Variants in FAF1 observed in about 807,000 individuals in gnomAD.
FAF1 encodes FAS-associated factor 1.
In FAF1, 25 loss-of-function variants were observed where a neutral mutation model predicts 92.5. The ratio of observed to expected loss-of-function variants is 0.27; its 90% CI spans 0.20 to 0.38. FAF1 has a LOEUF of 0.38. FAF1 is among the 10% of genes least tolerant of loss of function. The probability of loss-of-function intolerance (pLI) is 1.00; values close to 1 mark genes in which losing one functional copy is unlikely to be tolerated. For synonymous variants in FAF1, 234 were observed against 273.2 expected (o/e 0.86, Z 1.42); for missense variants, 636 against 793.3 (o/e 0.80, Z 2.38).
intron 1 of FAF1, among the ~76,000 whole-genome samples, chr1:50,925,216 CAAAATGGATT>C (rs1247806932): frequency 1.3e-5 from 2 of 152,018 alleles, no homozygotes; most frequent in Non-Finnish European, 2.9e-5. Flanking sequence ...AAAATTAACT[CAAAATGGATT>C]AAAGACTTAA....
intron 3 of FAF1, among the ~76,000 whole-genome samples, chr1:50,795,207 T>A (rs974028848): frequency 6.6e-6 from 1 of 152,074 alleles, no homozygotes; most frequent in Non-Finnish European, 1.5e-5. Context: ...TAATATTGAG[T>A]CCCCAATAAG....
At chr1:50,677,486 G>A (rs191544785) in intron 7 of FAF1, among the ~76,000 whole-genome samples, 2 of 152,268 alleles carry the variant, frequency 1.3e-5, no homozygotes, top group Non-Finnish European at 2.9e-5. Context: ...AATGACTCAT[G>A]TATTTCTTTA....
intron 15 of FAF1, among the ~76,000 whole-genome samples, chr1:50,521,814 G>A (rs1197865402): frequency 6.6e-6 from 1 of 152,202 alleles, no homozygotes; most frequent in East Asian, 1.9e-4. Flanking sequence ...GTCTAAGCTT[G>A]TCAAAAAGTG....
chr1:50,698,543 T>C (rs1399246402), intron 7 of FAF1, among the ~76,000 whole-genome samples: 1 of 152,164 alleles, frequency 6.6e-6, no homozygotes, highest in African/African-American at 2.4e-5. Context: ...AGAAATCTAG[T>C]ACCTTTACCT....
chr1:50,922,565 C>T (rs6700629), intron 1 of FAF1, among the ~76,000 whole-genome samples: 1,924 of 150,650 alleles, frequency 0.013, 36 homozygotes, highest in African/African-American at 0.043. Flanking sequence ...TGCCTGTAAT[C>T]CCAGCACTTT....
intron 15 of FAF1, among the ~76,000 whole-genome samples, chr1:50,525,570 A>G (rs939603502): frequency 5.3e-5 from 8 of 152,170 alleles, no homozygotes; most frequent in African/African-American, 1.9e-4. Context: ...TACCCTGGCT[A>G]GAAGTTACAG....
At chr1:50,575,485 G>A (rs1208530269) in intron 12 of FAF1, among the ~76,000 whole-genome samples, 2 of 151,938 alleles carry the variant, frequency 1.3e-5, no homozygotes, top group Non-Finnish European at 2.9e-5. Flanking sequence ...GAAAGTAAAA[G>A]CATTTAATAA....
At position 50,562,424 on chromosome 1, in the gene FAF1, CT is replaced by C. The variant is rs113758665; in HGVS notation, c.1268+4652del. 1.9e-3 allele frequency among the ~76,000 whole-genome samples: 291 copies of C among 152,270 alleles called. 2 individuals are homozygous for C. The highest frequency in any genetic ancestry group is 6.6e-3 in the African/African-American group (276 of 41,550). On this transcript the variant is annotated intron_variant, in intron 13 of 18. Transcript: ENST00000396153. ...TCCTCAATTATTTCAACCACTGACCCTTTGTTCCCCATACGTAATTATGAGG... is the reference window on the plus strand; with the variant it reads ...TCCTCAATTATTTCAACCACTGACCCTTGTTCCCCATACGTAATTATGAGG...
At chr1:50,468,750 C>G (rs534068824) in intron 18 of FAF1, among the ~76,000 whole-genome samples, 2 of 152,074 alleles carry the variant, frequency 1.3e-5, no homozygotes, top group African/African-American at 4.8e-5. Context: ...TGAGCCACCA[C>G]GCCCGGCCTA....
intron 15 of FAF1, among the ~76,000 whole-genome samples, chr1:50,499,869 A>G (rs1646961496): frequency 6.6e-6 from 1 of 152,200 alleles, no homozygotes; most frequent in Non-Finnish European, 1.5e-5. Context: ...ATATTTCTAT[A>G]TACTGGCAAC....
At chr1:50,452,565 G>A (rs141888552) in intron 18 of FAF1, among the ~76,000 whole-genome samples, 329 of 152,224 alleles carry the variant, frequency 2.2e-3, no homozygotes, top group African/African-American at 7.3e-3. Flanking sequence ...CCAATACCAC[G>A]GAAGCAGCCA....
chr1:50,802,965 T>C lies in FAF1; in HGVS notation c.115-1288A>G, dbSNP rs11807587. 6.5e-3 allele frequency among the ~76,000 whole-genome samples: 991 copies of C among 152,166 alleles called. 19 individuals carry two copies. Among genetic ancestry groups the C allele is most frequent in the African/African-American group, 0.023 (946 of 41,522 alleles). On this transcript the variant is annotated intron_variant, in intron 2 of 18. Coordinates refer to ENST00000396153, the MANE Select transcript of FAF1 (RefSeq NM_007051.3). Reference sequence around the variant, plus strand: ...GAATGGAAATAAATAGAGTGTAGGGTGTTTGCTATGAATTTTGAGAGCTGT... The same window carrying C: ...GAATGGAAATAAATAGAGTGTAGGGCGTTTGCTATGAATTTTGAGAGCTGT...
chr1:50,530,168 C>T (rs1486991009), intron 15 of FAF1, among the ~76,000 whole-genome samples: 2 of 151,380 alleles, frequency 1.3e-5, no homozygotes, highest in Non-Finnish European at 1.5e-5. Flanking sequence ...AATTTATATA[C>T]AGCTATCTCA....
chr1:50,768,804 T>A (rs183357533), intron 4 of FAF1, among the ~76,000 whole-genome samples: 155 of 152,210 alleles, frequency 1.0e-3, no homozygotes, highest in Non-Finnish European at 1.3e-3. Context: ...GAAAAGTTTA[T>A]AACACTAAAT....
Position 50,630,870 on chromosome 1 carries a change from C to G in FAF1, c.744+24572G>C, listed in dbSNP as rs556997767. Among the ~76,000 whole-genome samples, 5 of 145,844 alleles carry G rather than the reference C, an allele frequency of 3.4e-5. No homozygotes were observed. The South Asian group carries it at 1.1e-3, about 32-fold the overall frequency. On this transcript the variant is annotated intron_variant, in intron 8 of 18. Transcript: ENST00000396153. ...TTTTTTGAGAGTCTCACTCTGTCGC[C>G]CAGGCTGGAGTGCAGTGGCACGATC...
intron 13 of FAF1, among the ~76,000 whole-genome samples, chr1:50,552,170 G>A (rs752959845): frequency 1.3e-5 from 2 of 151,916 alleles, no homozygotes; most frequent in African/African-American, 2.4e-5. Context: ...GGTAGTGTGC[G>A]TTTGTAGTCC....
intron 1 of FAF1, among the ~76,000 whole-genome samples, chr1:50,921,499 C>T (rs1438159848): frequency 1.3e-5 from 2 of 152,190 alleles, no homozygotes; most frequent in South Asian, 2.1e-4. Context: ...TGGTGGCTCG[C>T]GCCTGTAATC....
intron 3 of FAF1, among the ~76,000 whole-genome samples, chr1:50,790,125 G>A (rs1365532943): frequency 6.6e-6 from 1 of 152,086 alleles, no homozygotes; most frequent in African/African-American, 2.4e-5. Flanking sequence ...AGTACCACAA[G>A]AATAAAGCTC....
intron 4 of FAF1, among the ~76,000 whole-genome samples, chr1:50,766,575 G>T (rs1454557660): frequency 1.3e-5 from 2 of 151,890 alleles, no homozygotes; most frequent in African/African-American, 4.8e-5. Flanking sequence ...TTGGAGGGAA[G>T]GCATTCAGAG....
Sources: allele counts gnomAD v4.1 joint callset (sites outside exome capture counted in the v4.1 genomes callset), GRCh38; gene constraint gnomAD v4.1.1; transcripts MANE v1.5; gene names NCBI Gene and HGNC (gene_info 2026-07-23, HGNC 2026-07-21).